GLYAT: variants seen among roughly 807,000 people sequenced by gnomAD.
GLYAT encodes glycine-N-acyltransferase.
GLYAT carries 25 observed loss-of-function variants against 22.8 expected under a neutral mutation model. That is an observed-to-expected ratio of 1.09 (90% CI 0.80 to 1.53). The LOEUF is 1.53. GLYAT is among the 40% of genes most tolerant of loss of function. The pLI is 0.00. For synonymous variants in GLYAT, 140 were observed against 122.7 expected (o/e 1.14, Z -0.93); for missense variants, 411 against 353.9 (o/e 1.16, Z -1.29).
chr11:58,717,626 C>A (rs542749053), intron 2 of GLYAT, among the ~76,000 whole-genome samples: 1 of 151,922 alleles, frequency 6.6e-6, no homozygotes, highest in African/African-American at 2.4e-5. Context: ...GAATTCAGTT[C>A]AAATTGTAGA....
At chr11:58,719,056 T>C (rs1471349189) in intron 2 of GLYAT, among the ~76,000 whole-genome samples, 3 of 152,006 alleles carry the variant, frequency 2.0e-5, no homozygotes, top group African/African-American at 7.2e-5. Context: ...GTCATTTTTG[T>C]ACTTAGGGGA....
chr11:58,711,468 A>T (rs1226735647), intron 4 of GLYAT, among the ~76,000 whole-genome samples: 1 of 152,170 alleles, frequency 6.6e-6, no homozygotes, highest in Non-Finnish European at 1.5e-5. Flanking sequence ...TCTTTACAGC[A>T]CTGGGGAAGA....
intron 1 of GLYAT, among the ~76,000 whole-genome samples, chr11:58,728,895 AAGGAAGGAAGGAAG>A (rs1565061094): frequency 0.018 from 1,864 of 102,478 alleles, 19 homozygotes; most frequent in Non-Finnish European, 0.026. Flanking sequence ...AGAAAGAAGG[AAGGAAGGAAGGAAG>A]GAAGGAAGGA....
At chr11:58,716,867 A>T (rs116409331) in intron 2 of GLYAT, among the ~76,000 whole-genome samples, 1 of 152,062 alleles carries the variant, frequency 6.6e-6, no homozygotes, top group African/African-American at 2.4e-5. Context: ...TGATACCTCA[A>T]TCAATATATG....
chr11:58,721,658 A>T lies in GLYAT; in HGVS notation c.81+2758T>A, dbSNP rs369914832. On this transcript the variant is annotated intron_variant, in intron 2 of 5. Coordinates refer to ENST00000344743, the MANE Select transcript of GLYAT (RefSeq NM_201648.3). The stretch of plus-strand genomic sequence containing the variant: ...AACAATTGAGCTCCTTAATTTTTTT[A>T]AAAAAATCTTATTACCATATTTCAG... 1.5e-3 allele frequency among the ~76,000 whole-genome samples: 222 copies of T among 152,148 alleles called. 1 individual carries two copies. The highest frequency in any genetic ancestry group is 6.2e-3 in the Admixed American group (95 of 15,260).
At chr11:58,713,977 T>A (rs1856648191) in intron 3 of GLYAT, among the ~76,000 whole-genome samples, 1 of 152,158 alleles carries the variant, frequency 6.6e-6, no homozygotes, top group Non-Finnish European at 1.5e-5. Flanking sequence ...CATTTTGAAA[T>A]GGCTAAATCA....
intron 4 of GLYAT, among the ~76,000 whole-genome samples, chr11:58,712,248 T>C (rs1856624881): frequency 6.6e-6 from 1 of 152,234 alleles, no homozygotes; most frequent in African/African-American, 2.4e-5. Context: ...CCTTGTGTTT[T>C]AGGTAACATT....
At position 58,731,922 on chromosome 11, in the gene GLYAT, G is replaced by A. The variant is rs1856875956; in HGVS notation, c.-103C>T. ...ATGAAATTTCTCCCTGATGCAGCCA[G>A]TTCAGCAGAGTCTCGCAGAGTAAAT... On this transcript the variant is annotated 5_prime_UTR_variant, in exon 1 of 6. Coordinates refer to ENST00000344743, the MANE Select transcript of GLYAT (RefSeq NM_201648.3). 6.6e-6 allele frequency: 1 copy of A among 152,180 alleles called. No individual in the cohort carries two copies. The highest frequency in any genetic ancestry group is 2.4e-5 in the African/African-American group (1 of 41,446). The allele number at this position is 152,180 out of a possible 1,614,324, so 9.4% of individuals were successfully genotyped here. A position where few individuals can be genotyped will look rare whatever the true frequency, so the allele number is the denominator to read the frequency against.
chr11:58,718,665 C>T (rs1856712795), intron 2 of GLYAT, among the ~76,000 whole-genome samples: 2 of 151,588 alleles, frequency 1.3e-5, no homozygotes, highest in East Asian at 3.9e-4. Context: ...ACACAATTGA[C>T]AAGAAAATTT....
chr11:58,723,762 T>A (rs1040726778), intron 2 of GLYAT, among the ~76,000 whole-genome samples: 1 of 151,900 alleles, frequency 6.6e-6, no homozygotes, highest in African/African-American at 2.4e-5. Flanking sequence ...CTTGCATAGT[T>A]CTGGATGTAG....
chr11:58,715,510 A>G, intron 2 of GLYAT, 87 bp from the exon 3 acceptor site: 1 of 666,862 alleles, frequency 1.5e-6, no homozygotes, highest in Non-Finnish European at 2.7e-6. Context: ...AATTATTTCT[A>G]TAAAATCATG....
intron 3 of GLYAT, among the ~76,000 whole-genome samples, chr11:58,713,804 G>C (rs1856645620): frequency 6.6e-6 from 1 of 152,050 alleles, no homozygotes; most frequent in Non-Finnish European, 1.5e-5. Flanking sequence ...GACACATTTT[G>C]TTGCTTAAGA....
At chr11:58,727,989 C>A (rs1856826841) in intron 1 of GLYAT, among the ~76,000 whole-genome samples, 1 of 151,244 alleles carries the variant, frequency 6.6e-6, no homozygotes, top group South Asian at 2.1e-4. Context: ...TCTCTCAGGT[C>A]ACCCACTTTG....
At chr11:58,726,877 G>C (rs1204067550) in intron 1 of GLYAT, among the ~76,000 whole-genome samples, 1 of 152,080 alleles carries the variant, frequency 6.6e-6, no homozygotes, top group African/African-American at 2.4e-5. Context: ...GGATTTGAGA[G>C]AGCAATGTTT....
chr11:58,719,935 T>C (rs1856728668), intron 2 of GLYAT, among the ~76,000 whole-genome samples: 1 of 152,030 alleles, frequency 6.6e-6, no homozygotes, highest in East Asian at 1.9e-4. Flanking sequence ...GTTCATGACA[T>C]GCTTGGAATT....
At chr11:58,717,313 A>G (rs1565056977) in intron 2 of GLYAT, among the ~76,000 whole-genome samples, 1 of 152,106 alleles carries the variant, frequency 6.6e-6, no homozygotes, top group Non-Finnish European at 1.5e-5. Context: ...CTCATGTCCT[A>G]TGAAGAGAAA....
At chr11:58,717,044 C>T (rs987733961) in intron 2 of GLYAT, among the ~76,000 whole-genome samples, 4 of 152,086 alleles carry the variant, frequency 2.6e-5, no homozygotes, top group Non-Finnish European at 5.9e-5. Context: ...AGATATACAT[C>T]TTTCTTAGTA....
chr11:58,718,724 G>A (rs1435228819), intron 2 of GLYAT, among the ~76,000 whole-genome samples: 2 of 151,632 alleles, frequency 1.3e-5, no homozygotes, highest in African/African-American at 4.8e-5. Flanking sequence ...AAGAGCACCT[G>A]TTGGAGTTTT....
chr11:58,728,895 AAG>A (rs1491457441), intron 1 of GLYAT, among the ~76,000 whole-genome samples: 3,403 of 101,940 alleles, frequency 0.033, 39 homozygotes, highest in African/African-American at 0.06. Flanking sequence ...AGAAAGAAGG[AAG>A]GAAGGAAGGA....
Sources: gnomAD v4.1 joint callset for allele counts (sites outside exome capture counted in the v4.1 genomes callset) on GRCh38, gnomAD v4.1.1 for gene constraint, MANE v1.5 for transcripts, NCBI Gene and HGNC (gene_info 2026-07-23, HGNC 2026-07-21) for gene names.